Variants in TMEM132D observed in about 807,000 individuals in gnomAD.
TMEM132D encodes the protein transmembrane protein 132D.
Under a neutral mutation model 62.3 loss-of-function variants are expected in TMEM132D, and 21 were observed. The ratio of observed to expected loss-of-function variants is 0.34; its 90% confidence interval spans 0.24 to 0.49. TMEM132D has a LOEUF of 0.49. Among genes scored for constraint, TMEM132D ranks in the 20% least tolerant of loss-of-function variants. TMEM132D has a pLI of 0.99. For missense variants in TMEM132D, 1,346 were observed against 1,402.8 expected (o/e 0.96, Z 0.65); for synonymous variants, 621 against 575.6 (o/e 1.08, Z -1.13).
At chr12:129,877,654 G>GCA (rs1555238234) in intron 1 of TMEM132D, among the ~76,000 whole-genome samples, 3 of 136,724 alleles carry the variant, frequency 2.2e-5, no homozygotes, top group Non-Finnish European at 5.0e-5. Flanking sequence ...GAGAGAGAGA[G>GCA]CGCTATAAGC....
intron 5 of TMEM132D, among the ~76,000 whole-genome samples, chr12:129,096,107 G>A (rs543777573): frequency 1.3e-5 from 2 of 152,140 alleles, no homozygotes; most frequent in Non-Finnish European, 2.9e-5. Flanking sequence ...GTATGCACAT[G>A]CAGTGAGTTG....
rs538321607 is a variant in TMEM132D at position 129,536,270 on chromosome 12, G to A, written c.969-5065C>T. On this transcript the variant is annotated intron_variant, in intron 2 of 8. Coordinates refer to ENST00000422113, the MANE Select transcript of TMEM132D (RefSeq NM_133448.3). ...CCACCAAAGGGTGCCACACTCCTAC[G>A]CATGTAGATTTGGTGATAGCATTCC... 3.0e-4 allele frequency among the ~76,000 whole-genome samples: 46 copies of A among 152,306 alleles called. No homozygotes were observed. The South Asian group carries it at 7.9e-3, about 26-fold the overall frequency.
rs1333886962 is a variant in TMEM132D at position 129,072,213 on chromosome 12, CAGAG to C, written c.*1658_*1661del. 6.6e-6 allele frequency: 1 copy of C among 152,390 alleles called. No homozygotes were observed. Among genetic ancestry groups the C allele is most frequent in the African/African-American group, 2.4e-5 (1 of 41,406 alleles). The allele number at this position is 152,390 out of a possible 1,614,324, so 9.4% of individuals were successfully genotyped here. A position where few individuals can be genotyped will look rare whatever the true frequency, so the allele number is the denominator to read the frequency against. Reference sequence around the variant, plus strand: ...GGAGAGAGATACAGAGACAGACACACAGAGAGACTGGAAAACAGACAACTGAAGA... The same window carrying C: ...GGAGAGAGATACAGAGACAGACACACAGACTGGAAAACAGACAACTGAAGA... On this transcript the variant is annotated 3_prime_UTR_variant, in exon 9 of 9. Transcript: ENST00000422113.
At chr12:129,632,599 C>T (rs1879377097) in intron 2 of TMEM132D, among the ~76,000 whole-genome samples, 1 of 152,202 alleles carries the variant, frequency 6.6e-6, no homozygotes, top group South Asian at 2.1e-4. Context: ...GCAGACATGG[C>T]TGTCCGCTCT....
chr12:129,482,768 CT>C (rs68150613), intron 3 of TMEM132D, among the ~76,000 whole-genome samples: 1,706 of 146,798 alleles, frequency 0.012, 31 homozygotes, highest in South Asian at 0.046. Flanking sequence ...AATACAACAT[CT>C]TTTTTTTTTT....
At chr12:129,841,146 C>A (rs940329585) in intron 1 of TMEM132D, among the ~76,000 whole-genome samples, 1 of 152,098 alleles carries the variant, frequency 6.6e-6, no homozygotes, top group Non-Finnish European at 1.5e-5. Flanking sequence ...CATGTGCGCA[C>A]CCCTGTGTAT....
chr12:129,792,127 T>G (rs1444253882), intron 1 of TMEM132D, among the ~76,000 whole-genome samples: 1 of 152,198 alleles, frequency 6.6e-6, no homozygotes, highest in Non-Finnish European at 1.5e-5. Flanking sequence ...ACATGACTGA[T>G]TCCGGGAGGG....
chr12:129,570,496 A>G (rs1877482900), intron 2 of TMEM132D, among the ~76,000 whole-genome samples: 2 of 152,164 alleles, frequency 1.3e-5, no homozygotes, highest in South Asian at 4.1e-4. Flanking sequence ...TGACCAAGAA[A>G]ATTGCCTCAA....
At chr12:129,182,168 C>T (rs1878086373) in intron 5 of TMEM132D, among the ~76,000 whole-genome samples, 1 of 152,084 alleles carries the variant, frequency 6.6e-6, no homozygotes, top group African/African-American at 2.4e-5. Flanking sequence ...TCGAGACCAG[C>T]CTGACCAACA....
intron 3 of TMEM132D, among the ~76,000 whole-genome samples, chr12:129,503,168 G>A (rs1160418198): frequency 6.6e-6 from 1 of 152,152 alleles, no homozygotes; most frequent in Non-Finnish European, 1.5e-5. Context: ...TGACAAACCT[G>A]TACTTCCTTC....
chr12:129,608,377 T>A (rs954194928), intron 2 of TMEM132D, among the ~76,000 whole-genome samples: 1 of 152,124 alleles, frequency 6.6e-6, no homozygotes, highest in African/African-American at 2.4e-5. Flanking sequence ...CTGTTTTCAG[T>A]CTGCAAAAAT....
At chr12:129,845,647 A>G (rs920656053) in intron 1 of TMEM132D, among the ~76,000 whole-genome samples, 12 of 152,228 alleles carry the variant, frequency 7.9e-5, no homozygotes, top group Admixed American at 7.2e-4. Flanking sequence ...TGATTCTCAA[A>G]GCAAAATCAC....
chr12:129,724,305 C>CT (rs1195510309), intron 1 of TMEM132D, among the ~76,000 whole-genome samples: 1 of 152,156 alleles, frequency 6.6e-6, no homozygotes, highest in Admixed American at 6.5e-5. Flanking sequence ...AAGACGAATG[C>CT]TACAGGTACT....
rs150737410 is a variant in TMEM132D at position 129,737,652 on chromosome 12, A to T, written c.80-36954T>A. Among the ~76,000 whole-genome samples, 35 of 152,318 alleles carry T rather than the reference A, an allele frequency of 2.3e-4. No individual in the cohort carries two copies. The East Asian group carries it at 5.0e-3, about 22-fold the overall frequency. ...CATTTTGCACCTGCCTGATTCACTC[A>T]TGTACAGACCATCTCTGGCCCCTAT... is the stretch of plus-strand genomic sequence containing the variant. On this transcript the variant is annotated intron_variant, in intron 1 of 8. Coordinates refer to ENST00000422113, the MANE Select transcript of TMEM132D (RefSeq NM_133448.3).
chr12:129,867,137 G>A lies in TMEM132D; in HGVS notation c.79+36124C>T, dbSNP rs191882398. On this transcript the variant is annotated intron_variant, in intron 1 of 8. Transcript: ENST00000422113. This position sits in a 1 kb window ranked among gnomAD's most constrained non-coding sequence, Gnocchi z 4.5. ...TAGCTGGGCACGGTGGTATGTGCCTGTAGTCCTAGCTACATGGGAGGCTGA... is the reference window on the plus strand; with the variant it reads ...TAGCTGGGCACGGTGGTATGTGCCTATAGTCCTAGCTACATGGGAGGCTGA... 4.8e-3 allele frequency among the ~76,000 whole-genome samples: 732 copies of A among 152,192 alleles called. 4 individuals carry two copies. Among genetic ancestry groups the A allele is most frequent in the African/African-American group, 0.017 (694 of 41,518 alleles).
chr12:129,461,017 T>C (rs1873649903), intron 3 of TMEM132D, among the ~76,000 whole-genome samples: 1 of 152,184 alleles, frequency 6.6e-6, no homozygotes, highest in Non-Finnish European at 1.5e-5. Flanking sequence ...TGGACTTTAG[T>C]GACCCTTGAC....
intron 1 of TMEM132D, among the ~76,000 whole-genome samples, chr12:129,783,529 A>T (rs1871176340): frequency 6.6e-6 from 1 of 152,216 alleles, no homozygotes; most frequent in African/African-American, 2.4e-5. Context: ...CGAGAATTAT[A>T]TTCCAGGCGT....
At chr12:129,488,572 G>T (rs1047865996) in intron 3 of TMEM132D, among the ~76,000 whole-genome samples, 3 of 152,112 alleles carry the variant, frequency 2.0e-5, no homozygotes, top group African/African-American at 7.2e-5. Context: ...TACTTGGAAG[G>T]CTGAGGCATG....
chr12:129,787,395 A>G (rs563073998), intron 1 of TMEM132D, among the ~76,000 whole-genome samples: 2 of 152,286 alleles, frequency 1.3e-5, no homozygotes, highest in South Asian at 2.1e-4. Flanking sequence ...TCAGCAGACA[A>G]GCTTTGTGAC....
Sources: allele counts gnomAD v4.1 joint callset (sites outside exome capture counted in the v4.1 genomes callset), GRCh38; gene constraint gnomAD v4.1.1; non-coding constraint Gnocchi (gnomAD v3.1); transcripts MANE v1.5; gene names NCBI Gene and HGNC (gene_info 2026-07-23, HGNC 2026-07-21).